Variants in GRIN3A observed in about 807,000 individuals in gnomAD.
The protein encoded by GRIN3A is glutamate receptor ionotropic, NMDA 3A.
A neutral mutation model predicts 92.4 loss-of-function variants in GRIN3A; 47 were observed. The ratio of observed to expected loss-of-function variants is 0.51; its 90% CI spans 0.40 to 0.65. The LOEUF (loss-of-function observed/expected upper bound fraction) is 0.65. Ranked by LOEUF, GRIN3A falls within the 30% of genes least tolerant of loss-of-function variation. The probability of loss-of-function intolerance (pLI) is 0.00; values close to 1 mark genes in which losing one functional copy is unlikely to be tolerated. For missense variants in GRIN3A, 1,324 were observed against 1,393.1 expected, an observed-to-expected ratio of 0.95 and a Z score of 0.79; for synonymous variants, 527 against 540.6, an observed-to-expected ratio of 0.97 and a Z score of 0.35.
intron 4 of GRIN3A, among the ~76,000 whole-genome samples, chr9:101,624,170 T>C (rs1007747040): frequency 2.0e-5 from 3 of 152,198 alleles, no homozygotes; most frequent in Admixed American, 6.5e-5. Flanking sequence ...TCCCTGGATA[T>C]TGTTACCATG....
intron 1 of GRIN3A, among the ~76,000 whole-genome samples, chr9:101,697,227 A>T (rs1402932004): frequency 6.6e-6 from 1 of 152,184 alleles, no homozygotes; most frequent in African/African-American, 2.4e-5. Flanking sequence ...TCTATTAATT[A>T]TGATTACACT....
At chr9:101,594,621 T>A (rs201136759) in intron 6 of GRIN3A, 70 of 1,614,098 alleles carry the variant, frequency 4.3e-5, no homozygotes, top group Non-Finnish European at 4.7e-5. Flanking sequence ...TCTTTATCCA[T>A]GTCGTAAATG....
intron 5 of GRIN3A, among the ~76,000 whole-genome samples, chr9:101,622,835 T>A (rs1193473309): frequency 6.6e-6 from 1 of 152,150 alleles, no homozygotes; most frequent in African/African-American, 2.4e-5. Context: ...AGTTGTAAAA[T>A]GTAATCATTC....
chr9:101,604,736 C>A (rs192407284), intron 6 of GRIN3A, among the ~76,000 whole-genome samples: 1 of 152,170 alleles, frequency 6.6e-6, no homozygotes, highest in African/African-American at 2.4e-5. Flanking sequence ...CTGCCCTCCC[C>A]CACTGCCCTA....
rs1828633133 is a variant in GRIN3A at position 101,626,237 on chromosome 9, A to T, written c.2498+2019T>A. ...ACATATCACACATCACAAGAAAACC[A>T]GTCACATATTAACATAATAAAAGGA... On this transcript the variant is annotated intron_variant, in intron 4 of 8. Coordinates refer to ENST00000361820, the MANE Select transcript of GRIN3A (RefSeq NM_133445.3). 2.0e-5 allele frequency among the ~76,000 whole-genome samples: 3 copies of T among 152,384 alleles called. No individual in the cohort carries two copies. In the South Asian group the frequency reaches 6.2e-4, roughly 32 times the overall value.
chr9:101,594,401 A>T, intron 6 of GRIN3A: 1 of 1,583,862 alleles, frequency 6.3e-7, no homozygotes, highest in Non-Finnish European at 8.6e-7. Flanking sequence ...TGCTTGTAAG[A>T]AAAAGGCTCA....
intron 3 of GRIN3A, among the ~76,000 whole-genome samples, chr9:101,667,162 C>T (rs918327519): frequency 2.6e-5 from 4 of 151,792 alleles, no homozygotes; most frequent in South Asian, 2.1e-4. Flanking sequence ...CTTTATACTT[C>T]GTATTACCTA....
chr9:101,628,427 T>C, intron 3 of GRIN3A, 26 bp from the exon 4 acceptor site: 5 of 1,604,916 alleles, frequency 3.1e-6, no homozygotes, highest in Non-Finnish European at 3.4e-6. Context: ...AGAAATGGCT[T>C]AAATAAAAAT....
In GRIN3A at chr9:101,570,454, C is replaced by T. The variant is rs1827743557; in HGVS notation, c.*2720G>A. On this transcript the variant is annotated 3_prime_UTR_variant, in exon 9 of 9. Coordinates refer to ENST00000361820, the MANE Select transcript of GRIN3A (RefSeq NM_133445.3). ...ATACACTGTTTCACAAATTGCAAAACACTGTTCAGTTACTACCAATAAAAA... is the reference window on the plus strand; with the variant it reads ...ATACACTGTTTCACAAATTGCAAAATACTGTTCAGTTACTACCAATAAAAA... 1 of 152,632 alleles carries T rather than the reference C, an allele frequency of 6.6e-6. No homozygotes were observed. The highest frequency in any genetic ancestry group is 2.1e-4 in the South Asian group (1 of 4,838). The allele number at this position is 152,632 out of a possible 1,614,324, so 9.5% of individuals were successfully genotyped here.
intron 2 of GRIN3A, among the ~76,000 whole-genome samples, chr9:101,679,699 T>C (rs1490728402): frequency 2.0e-5 from 3 of 152,124 alleles, no homozygotes; most frequent in African/African-American, 4.8e-5. Flanking sequence ...CAGAGAAAGT[T>C]AACCTAGGAG....
intron 3 of GRIN3A, among the ~76,000 whole-genome samples, chr9:101,630,737 A>T (rs925512387): frequency 1.3e-5 from 2 of 152,232 alleles, no homozygotes; most frequent in Non-Finnish European, 2.9e-5. Context: ...TATTTTGCAG[A>T]TTAAAACACT....
At chr9:101,623,278 C>T (rs1390746157) in intron 5 of GRIN3A, 40 bp downstream of exon 5, 1 of 1,371,738 alleles carries the variant, frequency 7.3e-7, no homozygotes, top group Admixed American at 1.7e-5. Flanking sequence ...AAACTGAGCA[C>T]ATCCTGAGTA....
In GRIN3A at chr9:101,737,395, C is replaced by T. The variant is rs200072366; in HGVS notation, c.585G>A (p.Ala195=). The T allele has an allele frequency of 6.2e-7, 1 of 1,614,126 alleles. No homozygotes were observed. The highest frequency in any genetic ancestry group is 1.3e-5 in the African/African-American group (1 of 74,952). The change falls in exon 1 of 9, where the codon GCG becomes GCA. Residue 195 remains alanine (A), a synonymous_variant. Coordinates refer to ENST00000361820, the MANE Select transcript of GRIN3A (RefSeq NM_133445.3). ...CHTVVVQGVS[A]LLAFPQSQGE... is the part of the protein sequence containing the mutation. ...CCTGGCTCTGGGGGAAGGCGAGCAG[C>T]GCCGACACCCCTTGCACCACCACGG...
intron 1 of GRIN3A, among the ~76,000 whole-genome samples, chr9:101,688,241 C>G (rs543169088): frequency 1.3e-5 from 2 of 152,124 alleles, no homozygotes; most frequent in Non-Finnish European, 2.9e-5. Flanking sequence ...CCCTACGTAC[C>G]AAAAAATGTG....
At chr9:101,648,848 G>A (rs1050030503) in intron 3 of GRIN3A, among the ~76,000 whole-genome samples, 2 of 152,018 alleles carry the variant, frequency 1.3e-5, no homozygotes, top group Non-Finnish European at 2.9e-5. Context: ...TTTTGTGGGT[G>A]TTGTTTGGTG....
chr9:101,576,253 T>C (rs980124582), intron 8 of GRIN3A, among the ~76,000 whole-genome samples: 5 of 152,170 alleles, frequency 3.3e-5, no homozygotes, highest in African/African-American at 1.2e-4. Flanking sequence ...ACACTGAGGT[T>C]CAATACTCCA....
intron 1 of GRIN3A, among the ~76,000 whole-genome samples, chr9:101,690,469 G>A (rs1829599761): frequency 6.6e-6 from 1 of 152,112 alleles, no homozygotes; most frequent in Non-Finnish European, 1.5e-5. Context: ...TGGGGAATGT[G>A]TGTGCTGCCA....
chr9:101,666,033 A>T lies in GRIN3A; in HGVS notation c.2352+4027T>A, dbSNP rs527541543. Among the ~76,000 whole-genome samples the T allele has an allele frequency of 5.4e-4, 82 of 152,058 alleles. 1 individual carries two copies. The highest frequency in any genetic ancestry group is 5.3e-4 in the Admixed American group (8 of 15,234). On this transcript the variant is annotated intron_variant, in intron 3 of 8. Coordinates refer to ENST00000361820, the MANE Select transcript of GRIN3A (RefSeq NM_133445.3). ...CAGAAAATTAGAATTCAAAGTATAG[A>T]GTGGCATTTGTGGAGCTGCATGAAT... is the stretch of plus-strand genomic sequence containing the variant.
At chr9:101,616,777 A>T (rs1588250325) in intron 5 of GRIN3A, among the ~76,000 whole-genome samples, 1 of 146,814 alleles carries the variant, frequency 6.8e-6, no homozygotes, top group South Asian at 2.3e-4. Flanking sequence ...GCATTGGGAG[A>T]TATACCTAAT....
Sources: gnomAD v4.1 joint callset for allele counts (sites outside exome capture counted in the v4.1 genomes callset) on GRCh38, gnomAD v4.1.1 for gene constraint, MANE v1.5 for transcripts, NCBI Gene and HGNC (gene_info 2026-07-23, HGNC 2026-07-21) for gene names.